Variants in AKAP6 observed in about 807,000 individuals in gnomAD.
AKAP6 encodes the protein A-kinase anchor protein 6.
In AKAP6, 58 loss-of-function variants were observed where a neutral mutation model predicts 188.5. The ratio of observed to expected loss-of-function variants is 0.31; its 90% CI spans 0.25 to 0.38. The LOEUF (loss-of-function observed/expected upper bound fraction) is 0.38. Ranked by LOEUF, AKAP6 falls within the 10% of genes least tolerant of loss-of-function variation. The probability of loss-of-function intolerance (pLI) is 1.00; values close to 1 mark genes in which losing one functional copy is unlikely to be tolerated. For synonymous variants in AKAP6, 989 were observed against 998.6 expected (o/e 0.99, Z 0.18); for missense variants, 2,710 against 2,740.0 (o/e 0.99, Z 0.24).
intron 9 of AKAP6, among the ~76,000 whole-genome samples, chr14:32,729,600 A>C (rs2031071871): frequency 6.6e-6 from 1 of 152,186 alleles, no homozygotes; most frequent in African/African-American, 2.4e-5. Flanking sequence ...TCTTTAATTT[A>C]GATCATTCAC....
rs139291338 is a variant in AKAP6, at chr14:32,824,871, A to T, written c.*42+56A>T. On this transcript the variant is annotated intron_variant, in intron 13 of 13. Transcript: ENST00000280979. ...TTAAAATATTGAGTTCAGGTCAGCA[A>T]AACCATGGCAGGAGAAAAGGCTAGT... The T allele has an allele frequency of 3.3e-4, 459 of 1,409,936 alleles. 1 individual carries two copies. The African/African-American group carries it at 5.7e-3, about 18-fold the overall frequency. The allele number at this position is 1,409,936 out of a possible 1,614,324, so 87.3% of individuals were successfully genotyped here.
chr14:32,398,940 C>A (rs1046870807), intron 1 of AKAP6, among the ~76,000 whole-genome samples: 74 of 150,342 alleles, frequency 4.9e-4, no homozygotes, highest in African/African-American at 1.7e-3. Flanking sequence ...CAACCTCCGC[C>A]TCCTGGGTTC....
intron 5 of AKAP6, among the ~76,000 whole-genome samples, chr14:32,596,333 A>G (rs114165559): frequency 0.018 from 2,701 of 152,302 alleles, 80 homozygotes; most frequent in African/African-American, 0.062. Flanking sequence ...AAATCTGATC[A>G]TGACCAAAGT....
intron 2 of AKAP6, among the ~76,000 whole-genome samples, chr14:32,531,229 A>G (rs2139099304): frequency 6.6e-6 from 1 of 152,340 alleles, no homozygotes; most frequent in African/African-American, 2.4e-5. Flanking sequence ...ATCTTATGCA[A>G]CTTTTAAGAT....
At chr14:32,777,065 C>T (rs1186157477) in intron 12 of AKAP6, among the ~76,000 whole-genome samples, 1 of 152,150 alleles carries the variant, frequency 6.6e-6, no homozygotes, top group African/African-American at 2.4e-5. Flanking sequence ...ATTCACAAGG[C>T]ATGTGATAGG....
At chr14:32,665,583 A>T (rs574909671) in intron 7 of AKAP6, among the ~76,000 whole-genome samples, 1 of 152,204 alleles carries the variant, frequency 6.6e-6, no homozygotes, top group Admixed American at 6.6e-5. Context: ...GTTTTATGGA[A>T]TCTTCATGAT....
At chr14:32,517,158 T>C (rs1438999054) in intron 2 of AKAP6, among the ~76,000 whole-genome samples, 1 of 152,242 alleles carries the variant, frequency 6.6e-6, no homozygotes, top group Non-Finnish European at 1.5e-5. Flanking sequence ...CCTCGAAAAC[T>C]AGCTAAAGAA....
intron 1 of AKAP6, among the ~76,000 whole-genome samples, chr14:32,346,968 A>G (rs1424330197): frequency 1.3e-5 from 2 of 152,244 alleles, no homozygotes; most frequent in Admixed American, 6.5e-5. Context: ...CCAAAATATC[A>G]TATAGAGATA....
intron 12 of AKAP6, among the ~76,000 whole-genome samples, chr14:32,805,289 C>T (rs1235597027): frequency 6.6e-6 from 1 of 152,198 alleles, no homozygotes; most frequent in Non-Finnish European, 1.5e-5. Flanking sequence ...ATTCCTTCAT[C>T]TTCTCATATA....
chr14:32,613,225 T>C (rs538532697), intron 7 of AKAP6, among the ~76,000 whole-genome samples: 17 of 152,346 alleles, frequency 1.1e-4, no homozygotes, highest in African/African-American at 4.1e-4. Flanking sequence ...CTGCTGTCTT[T>C]CACTTGATAC....
rs1199445829 is a variant in AKAP6, at chr14:32,822,415, T to C, written c.4602T>C (p.His1534=). ...PHERILASAS[H]EMDRISYKSG... is the part of the protein sequence containing the mutation. Reference sequence around the variant, plus strand: ...AAAGGATTTTGGCAAGTGCATCTCATGAAATGGATCGCATTTCATATAAAA... The same window carrying C: ...AAAGGATTTTGGCAAGTGCATCTCACGAAATGGATCGCATTTCATATAAAA... The change falls in exon 13 of 14, where the codon CAT becomes CAC. Residue 1534 remains histidine (H), a synonymous_variant. Coordinates refer to ENST00000280979, the MANE Select transcript of AKAP6 (RefSeq NM_004274.5). The C allele has an allele frequency of 6.2e-7, 1 of 1,613,914 alleles. No individual in the cohort carries two copies. The highest frequency in any genetic ancestry group is 8.5e-7 in the Non-Finnish European group (1 of 1,179,948).
At chr14:32,471,350 A>G (rs1167782395) in intron 2 of AKAP6, among the ~76,000 whole-genome samples, 12 of 152,190 alleles carry the variant, frequency 7.9e-5, no homozygotes, top group Admixed American at 7.9e-4. Flanking sequence ...TCACACAGCT[A>G]AAGATAGTAG....
intron 2 of AKAP6, among the ~76,000 whole-genome samples, chr14:32,460,009 A>G (rs1462273005): frequency 6.6e-6 from 1 of 152,246 alleles, no homozygotes; most frequent in Non-Finnish European, 1.5e-5. Context: ...AGACAACCAT[A>G]CAACTCTTGA....
intron 5 of AKAP6, among the ~76,000 whole-genome samples, chr14:32,596,380 A>G (rs10483414): frequency 0.078 from 11,936 of 152,264 alleles, 524 homozygotes; most frequent in Middle Eastern, 0.13. Context: ...GGTCCTGCCA[A>G]TAAGTAGTAC....
intron 7 of AKAP6, among the ~76,000 whole-genome samples, chr14:32,604,809 A>G (rs369569377): frequency 1.3e-5 from 2 of 152,206 alleles, no homozygotes; most frequent in African/African-American, 2.4e-5. Flanking sequence ...TAAATATACA[A>G]GACTTCATTT....
At chr14:32,690,463 C>T (rs1287033990) in intron 8 of AKAP6, among the ~76,000 whole-genome samples, 2 of 152,102 alleles carry the variant, frequency 1.3e-5, no homozygotes, top group African/African-American at 4.8e-5. Flanking sequence ...TTAAACTATG[C>T]TGGCCTCACA....
intron 12 of AKAP6, among the ~76,000 whole-genome samples, chr14:32,813,389 ACC>A (rs112729792): frequency 0.021 from 1,361 of 65,336 alleles, 103 homozygotes; most frequent in African/African-American, 0.082. Flanking sequence ...CTCTAACCCT[ACC>A]CCCCCCCCCA....
chr14:32,461,346 G>A (rs1193499609), intron 2 of AKAP6, among the ~76,000 whole-genome samples: 1 of 152,158 alleles, frequency 6.6e-6, no homozygotes, highest in Non-Finnish European at 1.5e-5. Context: ...CATCAGGCCA[G>A]TGCCCCTCTG....
At chr14:32,409,631 T>A (rs745945694) in intron 1 of AKAP6, among the ~76,000 whole-genome samples, 10 of 152,188 alleles carry the variant, frequency 6.6e-5, no homozygotes, top group Non-Finnish European at 1.5e-4. Context: ...TGGTTCTCAT[T>A]AAAAAGTTTT....
Sources: allele counts gnomAD v4.1 joint callset (sites outside exome capture counted in the v4.1 genomes callset), GRCh38; gene constraint gnomAD v4.1.1; transcripts MANE v1.5; gene names NCBI Gene and HGNC (gene_info 2026-07-23, HGNC 2026-07-21).